ANGPT1: variants seen among roughly 807,000 people sequenced by gnomAD.
ANGPT1 encodes angiopoietin-1.
ANGPT1 carries 17 observed loss-of-function variants against 62.2 expected under a neutral mutation model. The observed-to-expected ratio is 0.27, with a 90% confidence interval of 0.19 to 0.41. ANGPT1 has a LOEUF of 0.41. Ranked by LOEUF, ANGPT1 falls within the 10% of genes least tolerant of loss-of-function variation. ANGPT1 has a pLI of 1.00. For missense variants in ANGPT1, 478 were observed against 594.9 expected (o/e 0.80, Z 2.04); for synonymous variants, 199 against 198.9 (o/e 1.00, Z 0.00).
chr8:107,260,686 T>C (rs1290743513), intron 8 of ANGPT1, among the ~76,000 whole-genome samples: 2 of 152,162 alleles, frequency 1.3e-5, no homozygotes, highest in African/African-American at 2.4e-5. Context: ...CCATAATAAA[T>C]AGCTTTGCAA....
intron 1 of ANGPT1, among the ~76,000 whole-genome samples, chr8:107,371,516 G>T (rs1322127159): frequency 4.0e-5 from 6 of 151,376 alleles, no homozygotes; most frequent in African/African-American, 1.5e-4. Context: ...TTTGAAAGTT[G>T]GCAAAATTGG....
chr8:107,434,632 TTAAC>T (rs1368967137), intron 1 of ANGPT1, among the ~76,000 whole-genome samples: 1 of 122,936 alleles, frequency 8.1e-6, no homozygotes, highest in African/African-American at 3.2e-5. Flanking sequence ...CAATAGCAAA[TTAAC>T]TAAGTTAAAG....
intron 3 of ANGPT1, among the ~76,000 whole-genome samples, chr8:107,332,034 A>C (rs960154163): frequency 2.6e-5 from 4 of 152,180 alleles, no homozygotes; most frequent in African/African-American, 9.7e-5. Context: ...TGGCCAGTTG[A>C]CCAAACCTTT....
At chr8:107,400,228 C>A (rs1250728186) in intron 1 of ANGPT1, among the ~76,000 whole-genome samples, 2 of 152,130 alleles carry the variant, frequency 1.3e-5, no homozygotes, top group African/African-American at 4.8e-5. Flanking sequence ...TCTCCATCCC[C>A]AAAAGAACGA....
chr8:107,328,551 A>C (rs1476437399), intron 3 of ANGPT1, among the ~76,000 whole-genome samples: 1 of 152,032 alleles, frequency 6.6e-6, no homozygotes, highest in East Asian at 1.9e-4. Flanking sequence ...AAACTAGAGA[A>C]AATTTTGTAA....
chr8:107,401,667 T>C (rs1817049858), intron 1 of ANGPT1, among the ~76,000 whole-genome samples: 1 of 152,248 alleles, frequency 6.6e-6, no homozygotes, highest in African/African-American at 2.4e-5. Context: ...AACTGTCCTT[T>C]GATGCAGGAT....
chr8:107,295,649 CA>C (rs1297588723), intron 5 of ANGPT1: 2 of 151,886 alleles, frequency 1.3e-5, no homozygotes, highest in African/African-American at 2.4e-5. Context: ...AAAACACGAG[CA>C]AAGAAAATGA....
At chr8:107,439,672 A>C (rs1183694188) in intron 1 of ANGPT1, among the ~76,000 whole-genome samples, 1 of 152,234 alleles carries the variant, frequency 6.6e-6, no homozygotes, top group Non-Finnish European at 1.5e-5. Context: ...AATAAATACT[A>C]TCCTCAAGGC....
chr8:107,492,181 G>A (rs1361275455), intron 1 of ANGPT1, among the ~76,000 whole-genome samples: 1 of 152,172 alleles, frequency 6.6e-6, no homozygotes, highest in Non-Finnish European at 1.5e-5. Context: ...TTCAAATGAA[G>A]TTGATGGGGA....
chr8:107,390,069 C>T (rs1816805977), intron 1 of ANGPT1, among the ~76,000 whole-genome samples: 1 of 152,130 alleles, frequency 6.6e-6, no homozygotes, highest in Admixed American at 6.6e-5. Context: ...TCAATAACTG[C>T]ATTCCCTTTC....
chr8:107,273,515 CA>C (rs962860509), intron 7 of ANGPT1, among the ~76,000 whole-genome samples: 4 of 151,934 alleles, frequency 2.6e-5, no homozygotes, highest in African/African-American at 9.7e-5. Flanking sequence ...ATATGTAGCA[CA>C]GTAAAGCCCT....
intron 1 of ANGPT1, among the ~76,000 whole-genome samples, chr8:107,415,356 T>G (rs1486880723): frequency 2.6e-5 from 4 of 152,146 alleles, no homozygotes; most frequent in African/African-American, 9.7e-5. Context: ...CAACTAAGAT[T>G]CTTTTAGTGA....
intron 1 of ANGPT1, among the ~76,000 whole-genome samples, chr8:107,412,837 A>C (rs1357866353): frequency 6.6e-6 from 1 of 152,128 alleles, no homozygotes; most frequent in African/African-American, 2.4e-5. Flanking sequence ...TTCACTCTCT[A>C]TTTCTAGCAG....
chr8:107,275,128 T>G (rs1813831171), intron 7 of ANGPT1, among the ~76,000 whole-genome samples: 1 of 152,108 alleles, frequency 6.6e-6, no homozygotes, highest in African/African-American at 2.4e-5. Context: ...CACAGTAGCT[T>G]GCATATTGTT....
At chr8:107,300,086 G>A (rs980030539) in intron 5 of ANGPT1, among the ~76,000 whole-genome samples, 1 of 135,460 alleles carries the variant, frequency 7.4e-6, no homozygotes, top group Non-Finnish European at 1.6e-5. Context: ...TATCTATAGA[G>A]ATCTATATAT....
chr8:107,422,496 C>A (rs532690833), intron 1 of ANGPT1, among the ~76,000 whole-genome samples: 2 of 152,304 alleles, frequency 1.3e-5, no homozygotes, highest in Admixed American at 1.3e-4. Context: ...TGATACTTAC[C>A]ATGGCTAAAT....
intron 6 of ANGPT1, among the ~76,000 whole-genome samples, chr8:107,290,120 G>A (rs1359989262): frequency 6.6e-6 from 1 of 151,894 alleles, no homozygotes; most frequent in African/African-American, 2.4e-5. Flanking sequence ...CCAATGCCGA[G>A]AATCCAAAAA....
At position 107,468,548 on chromosome 8, in the gene ANGPT1, A is replaced by G. The variant is rs79644948; in HGVS notation, c.297+28714T>C. Among the ~76,000 whole-genome samples the G allele has an allele frequency of 5.9e-3, 903 of 152,168 alleles. 11 individuals are homozygous for G. The highest frequency in any genetic ancestry group is 0.021 in the African/African-American group (859 of 41,548). ...TTTATATCATCTACATATAATATTA[A>G]TAGCCAGATTAATAACAGAGCTTTT... On this transcript the variant is annotated intron_variant, in intron 1 of 8. Coordinates refer to ENST00000517746, the MANE Select transcript of ANGPT1 (RefSeq NM_001146.5).
At chr8:107,263,497 GTTGTTGTTTT>G (rs990000663) in intron 8 of ANGPT1, among the ~76,000 whole-genome samples, 3 of 151,354 alleles carry the variant, frequency 2.0e-5, no homozygotes, top group African/African-American at 7.3e-5. Flanking sequence ...TGTTGTTATT[GTTGTTGTTTT>G]TTGTTGTTTG....
Sources: gnomAD v4.1 joint callset for allele counts (sites outside exome capture counted in the v4.1 genomes callset) on GRCh38, gnomAD v4.1.1 for gene constraint, MANE v1.5 for transcripts, NCBI Gene and HGNC (gene_info 2026-07-23, HGNC 2026-07-21) for gene names.